HEMK2: variants seen among roughly 807,000 people sequenced by gnomAD.
The protein encoded by HEMK2 is HemK methyltransferase 2, ETF1 glutamine and histone H4 lysine.
At chr21:28,805,771 C>A in the HEMK2 span, among the ~76,000 whole-genome samples, 2 of 152,154 alleles carry the variant, frequency 1.3e-5, no homozygotes, top group African/African-American at 4.8e-5. Context: ...TGCTTCTGTA[C>A]GACTTTACAT....
the HEMK2 span, among the ~76,000 whole-genome samples, chr21:28,694,113 G>C: frequency 6.6e-6 from 1 of 152,176 alleles, no homozygotes; most frequent in African/African-American, 2.4e-5. Context: ...GTACCTGTTT[G>C]TAATTATTGG....
chr21:28,810,173 T>C, the HEMK2 span, among the ~76,000 whole-genome samples: 12 of 152,142 alleles, frequency 7.9e-5, no homozygotes, highest in Non-Finnish European at 4.4e-5. Flanking sequence ...TCTGGTACAG[T>C]GCTAGATTAG....
At chr21:28,666,758 T>C in the HEMK2 span, among the ~76,000 whole-genome samples, 1 of 152,198 alleles carries the variant, frequency 6.6e-6, no homozygotes, top group Non-Finnish European at 1.5e-5. Context: ...AAATCCTGTT[T>C]AACCACTCAT....
chr21:28,670,788 C>T, the HEMK2 span, among the ~76,000 whole-genome samples: 4 of 152,156 alleles, frequency 2.6e-5, no homozygotes, highest in Admixed American at 6.5e-5. Flanking sequence ...TCTTACATGG[C>T]AGCAGGCAAG....
chr21:28,866,859 A>C, the HEMK2 span, among the ~76,000 whole-genome samples: 2 of 152,236 alleles, frequency 1.3e-5, no homozygotes, highest in African/African-American at 4.8e-5. Flanking sequence ...AAAAGACAAC[A>C]GAAATCTGAT....
At chr21:28,866,175 A>ACACAC in the HEMK2 span, among the ~76,000 whole-genome samples, 8 of 76,248 alleles carry the variant, frequency 1.0e-4, no homozygotes, top group East Asian at 1.2e-3. Context: ...CAAAAAAAAA[A>ACACAC]ACACACACAC....
At chr21:28,866,175 A>AAAAAAAAACAAAAAAAC in the HEMK2 span, among the ~76,000 whole-genome samples, 7 of 76,248 alleles carry the variant, frequency 9.2e-5, no homozygotes, top group African/African-American at 3.6e-4. Flanking sequence ...CAAAAAAAAA[A>AAAAAAAAACAAAAAAAC]ACACACACAC....
At chr21:28,587,944 G>A in the HEMK2 span, among the ~76,000 whole-genome samples, 1 of 152,194 alleles carries the variant, frequency 6.6e-6, no homozygotes, top group Non-Finnish European at 1.5e-5. Flanking sequence ...CAAAAGACAA[G>A]GAAAAGTATG....
chr21:28,634,856 A>AT, the HEMK2 span, among the ~76,000 whole-genome samples: 1 of 152,202 alleles, frequency 6.6e-6, no homozygotes, highest in Non-Finnish European at 1.5e-5. Flanking sequence ...TATGTGATGC[A>AT]TATGTTAAGT....
At chr21:28,665,095 T>C in the HEMK2 span, among the ~76,000 whole-genome samples, 4 of 150,328 alleles carry the variant, frequency 2.7e-5, no homozygotes, top group African/African-American at 9.8e-5. Flanking sequence ...TTGGGCAACA[T>C]GGTAAGTCCT....
chr21:28,620,670 T>C, the HEMK2 span, among the ~76,000 whole-genome samples: 2 of 25,478 alleles, frequency 7.8e-5, no homozygotes, highest in Admixed American at 3.4e-4. Flanking sequence ...CTTTTTTTTT[T>C]TTTTTTTTTT....
chr21:28,833,149 G>C, the HEMK2 span, among the ~76,000 whole-genome samples: 4 of 152,212 alleles, frequency 2.6e-5, no homozygotes, highest in Non-Finnish European at 4.4e-5. Flanking sequence ...AGTATTGTCT[G>C]TCTTAGGTCC....
the HEMK2 span, among the ~76,000 whole-genome samples, chr21:28,864,036 G>A: frequency 6.6e-6 from 1 of 151,914 alleles, no homozygotes. Context: ...TCACCATGTT[G>A]GCCAGGGTAG....
the HEMK2 span, among the ~76,000 whole-genome samples, chr21:28,772,859 TTAATTAAAG>T: frequency 0.083 from 12,623 of 152,152 alleles, 561 homozygotes; most frequent in Middle Eastern, 0.14. Context: ...TCTTTCTTCT[TTAATTAAAG>T]TAATTAAAGT....
At chr21:28,619,982 A>G in the HEMK2 span, among the ~76,000 whole-genome samples, 1 of 152,208 alleles carries the variant, frequency 6.6e-6, no homozygotes, top group African/African-American at 2.4e-5. Context: ...TGTCATCTGC[A>G]AACAGAAACA....
At chr21:28,714,399 C>G in the HEMK2 span, among the ~76,000 whole-genome samples, 1 of 152,168 alleles carries the variant, frequency 6.6e-6, no homozygotes, top group Admixed American at 6.6e-5. Context: ...CAAAATATCA[C>G]TATCTTCCTA....
At chr21:28,626,775 G>A in the HEMK2 span, 3 of 152,128 alleles carry the variant, frequency 2.0e-5, no homozygotes, top group Non-Finnish European at 4.4e-5. Flanking sequence ...ACAAGTACAT[G>A]AAAAGATGCT....
the HEMK2 span, among the ~76,000 whole-genome samples, chr21:28,685,235 A>C: frequency 2.2e-4 from 34 of 152,318 alleles, no homozygotes; most frequent in East Asian, 5.6e-3. Flanking sequence ...TCCATATGTT[A>C]GATTTTCCTT....
the HEMK2 span, among the ~76,000 whole-genome samples, chr21:28,683,256 G>T: frequency 6.6e-6 from 1 of 152,098 alleles, no homozygotes; most frequent in Middle Eastern, 3.4e-3. Flanking sequence ...AAACACTGAG[G>T]TATACTAATA....
Sources: allele counts gnomAD v4.1 joint callset (sites outside exome capture counted in the v4.1 genomes callset), GRCh38; gene constraint gnomAD v4.1.1; transcripts MANE v1.5; gene names NCBI Gene and HGNC (gene_info 2026-07-23, HGNC 2026-07-21).